The following SLC15A4 variants were observed in gnomAD, a reference collection of about 807,000 sequenced individuals.
SLC15A4 encodes the protein hPHT1.
SLC15A4 carries 26 observed loss-of-function variants against 46.1 expected under a neutral mutation model. The observed-to-expected ratio is 0.56, with a 90% CI of 0.41 to 0.78. SLC15A4 has a LOEUF of 0.78. Among genes scored for constraint, SLC15A4 ranks in the 30% least tolerant of loss-of-function variants. The pLI is 0.00. For synonymous variants in SLC15A4, 370 were observed against 333.4 expected (o/e 1.11, Z -1.20); for missense variants, 751 against 755.7 (o/e 0.99, Z 0.07).
At position 128,803,439 on chromosome 12, in the gene SLC15A4, A is replaced by C. The variant is rs1259517786; in HGVS notation, c.1259-2430T>G. Reference sequence around the variant, plus strand: ...CAGCACCTCATTTATTATTCACAGTAAGCTGGGGGGAGAAATAACCCAAGC... The same window carrying C: ...CAGCACCTCATTTATTATTCACAGTCAGCTGGGGGGAGAAATAACCCAAGC... On this transcript the variant is annotated intron_variant, in intron 5 of 7. Coordinates refer to ENST00000266771, the MANE Select transcript of SLC15A4 (RefSeq NM_145648.4). Among the ~76,000 whole-genome samples the C allele has an allele frequency of 8.5e-3, 1,301 of 152,278 alleles. 20 individuals carry two copies. The highest frequency in any genetic ancestry group is 0.028 in the African/African-American group (1,162 of 41,540).
At chr12:128,798,490 T>G (rs1566044534) in intron 7 of SLC15A4, among the ~76,000 whole-genome samples, 2 of 152,188 alleles carry the variant, frequency 1.3e-5, no homozygotes, top group Non-Finnish European at 2.9e-5. Flanking sequence ...TGCAGAAAAG[T>G]CCCTAAACGT....
chr12:128,809,185 G>A, intron 4 of SLC15A4: 1 of 594,742 alleles, frequency 1.7e-6, no homozygotes, highest in Non-Finnish European at 2.9e-6. Flanking sequence ...AAAATACTAA[G>A]TAATGTTGAA....
chr12:128,799,663 T>G (rs938705265), intron 6 of SLC15A4, among the ~76,000 whole-genome samples: 6 of 152,218 alleles, frequency 3.9e-5, no homozygotes, highest in Admixed American at 6.5e-5. Context: ...AGCAGAAAGT[T>G]AAACTCCTTG....
intron 5 of SLC15A4, among the ~76,000 whole-genome samples, chr12:128,805,133 A>AATT (rs1371175597): frequency 6.6e-5 from 10 of 152,172 alleles, no homozygotes; most frequent in Non-Finnish European, 1.5e-4. Flanking sequence ...GGGGAGATGC[A>AATT]ATTATCCTTG....
intron 1 of SLC15A4, chr12:128,815,831 T>TTATA (rs1955744071): frequency 6.6e-6 from 1 of 152,276 alleles, no homozygotes; most frequent in African/African-American, 2.4e-5. Context: ...AGAACCAATG[T>TTATA]TATAAAGCTC....
intron 6 of SLC15A4, among the ~76,000 whole-genome samples, chr12:128,800,154 A>G (rs1279355601): frequency 6.6e-6 from 1 of 152,198 alleles, no homozygotes; most frequent in Admixed American, 6.5e-5. Context: ...AATAGACTTC[A>G]AAACTATTTT....
At chr12:128,814,736 G>C in intron 2 of SLC15A4, 39 bp downstream of exon 2, 1 of 1,597,506 alleles carries the variant, frequency 6.3e-7, no homozygotes, top group Non-Finnish European at 8.6e-7. Context: ...GATCGATAAA[G>C]TCCTTTCAAA....
intron 7 of SLC15A4, among the ~76,000 whole-genome samples, chr12:128,795,371 T>G (rs1440272241): frequency 6.6e-6 from 1 of 152,142 alleles, no homozygotes; most frequent in Non-Finnish European, 1.5e-5. Flanking sequence ...CCGGGCACTA[T>G]GGAGGCACTT....
chr12:128,813,418 T>A (rs1390504881), intron 2 of SLC15A4: 1 of 152,184 alleles, frequency 6.6e-6, no homozygotes, highest in Non-Finnish European at 1.5e-5. Context: ...CAATAGGTCA[T>A]GTAGACTGGT....
Position 128,808,245 on chromosome 12 carries a change from CTT to C in SLC15A4, c.1258+541_1258+542del, listed in dbSNP as rs1407500659. 7.9e-5 allele frequency among the ~76,000 whole-genome samples: 12 copies of C among 152,328 alleles called. No homozygotes were observed. In the East Asian group the frequency reaches 2.3e-3, roughly 29 times the overall value. On this transcript the variant is annotated intron_variant, in intron 5 of 7. Coordinates refer to ENST00000266771, the MANE Select transcript of SLC15A4 (RefSeq NM_145648.4). ...AACTCTCCTCATCAGAGTTTAGAGA[CTT>C]AGGCATTTGTTCTTATCAGGTTTAT...
chr12:128,822,389 C>A (rs1280133199), intron 1 of SLC15A4, among the ~76,000 whole-genome samples: 1 of 152,216 alleles, frequency 6.6e-6, no homozygotes, highest in Admixed American at 6.5e-5. Flanking sequence ...GCTAAGGCAA[C>A]AACGGGGGCT....
At chr12:128,820,801 T>C (rs1955823943) in intron 1 of SLC15A4, among the ~76,000 whole-genome samples, 1 of 152,218 alleles carries the variant, frequency 6.6e-6, no homozygotes, top group Non-Finnish European at 1.5e-5. Context: ...CACTCACAGA[T>C]ACTTAGGCAA....
intron 2 of SLC15A4, chr12:128,813,587 ACAG>A (rs1955696471): frequency 6.6e-6 from 1 of 152,262 alleles, no homozygotes; most frequent in African/African-American, 2.4e-5. Flanking sequence ...TAAGACAAAC[ACAG>A]ACAGGCCGCA....
At chr12:128,800,725 A>C in intron 6 of SLC15A4, 129 bp downstream of exon 6, 1 of 946,840 alleles carries the variant, frequency 1.1e-6, no homozygotes, top group South Asian at 1.9e-5. Context: ...ATTCTAAACC[A>C]CACACTGCCA....
chr12:128,802,931 CA>C (rs1955534626), intron 5 of SLC15A4, among the ~76,000 whole-genome samples: 1 of 152,160 alleles, frequency 6.6e-6, no homozygotes, highest in South Asian at 2.1e-4. Flanking sequence ...CGGGTGCCCC[CA>C]GTCACGAGCG....
At chr12:128,804,470 G>A (rs1025368734) in intron 5 of SLC15A4, among the ~76,000 whole-genome samples, 1 of 152,190 alleles carries the variant, frequency 6.6e-6, no homozygotes, top group Admixed American at 6.5e-5. Context: ...AGTGGCTCAC[G>A]CCTGTAATCC....
chr12:128,819,546 G>T (rs1433232512), intron 1 of SLC15A4: 2 of 152,082 alleles, frequency 1.3e-5, no homozygotes, highest in Non-Finnish European at 2.9e-5. Flanking sequence ...GGCAACATTG[G>T]TCCATTATTA....
chr12:128,814,598 G>C (rs1022305934), intron 2 of SLC15A4, 177 bp downstream of exon 2: 6 of 641,538 alleles, frequency 9.4e-6, no homozygotes, highest in Non-Finnish European at 1.6e-5. Flanking sequence ...TTTAAGATGG[G>C]ATAATAAGAC....
intron 4 of SLC15A4, 22 bp from the exon 5 acceptor site, chr12:128,808,978 G>A (rs774931969): frequency 1.9e-6 from 3 of 1,604,958 alleles, no homozygotes; most frequent in South Asian, 1.1e-5. Context: ...CACAGGAGGA[G>A]GCGTTTACTC....
Sources: gnomAD v4.1 joint callset for allele counts (sites outside exome capture counted in the v4.1 genomes callset) on GRCh38, gnomAD v4.1.1 for gene constraint, MANE v1.5 for transcripts, NCBI Gene and HGNC (gene_info 2026-07-23, HGNC 2026-07-21) for gene names.